SDK1: variants seen among roughly 807,000 people sequenced by gnomAD.
SDK1 encodes the protein sidekick cell adhesion molecule 1.
Under a neutral mutation model 245.5 loss-of-function variants are expected in SDK1, and 157 were observed. The ratio of observed to expected loss-of-function variants is 0.64; its 90% CI spans 0.56 to 0.73. The LOEUF is 0.73. Among genes scored for constraint, SDK1 ranks in the 30% least tolerant of loss-of-function variants. The pLI, the probability that SDK1 is intolerant of heterozygous loss-of-function variation, is 0.00. For missense variants in SDK1, 3,583 were observed against 3,002.3 expected, an observed-to-expected ratio of 1.19 and a Z score of -4.52; for synonymous variants, 1,647 against 1,278.5, an observed-to-expected ratio of 1.29 and a Z score of -6.15.
intron 1 of SDK1, among the ~76,000 whole-genome samples, chr7:3,367,294 A>G (rs960460354): frequency 2.0e-5 from 3 of 152,188 alleles, no homozygotes; most frequent in Non-Finnish European, 4.4e-5. Flanking sequence ...TGGATGGAAT[A>G]GAAAAGTTAG....
chr7:3,321,798 T>C (rs1329606112), intron 1 of SDK1, among the ~76,000 whole-genome samples: 7 of 116,388 alleles, frequency 6.0e-5, no homozygotes, highest in African/African-American at 2.4e-4. Flanking sequence ...CCTTCCTTCC[T>C]TCCTTCCTTC....
At chr7:4,054,309 C>G (rs1194017929) in intron 19 of SDK1, among the ~76,000 whole-genome samples, 2 of 152,110 alleles carry the variant, frequency 1.3e-5, no homozygotes, top group African/African-American at 4.8e-5. Context: ...ATATTGAGAC[C>G]GTGTACATTT....
chr7:3,554,441 C>G (rs1395891423), intron 1 of SDK1, among the ~76,000 whole-genome samples: 1 of 152,056 alleles, frequency 6.6e-6, no homozygotes, highest in Non-Finnish European at 1.5e-5. Context: ...GCAGGTAAAG[C>G]AGTTCTGAGA....
intron 1 of SDK1, among the ~76,000 whole-genome samples, chr7:3,519,436 T>C (rs533263040): frequency 4.9e-4 from 73 of 149,568 alleles, no homozygotes; most frequent in Middle Eastern, 3.4e-3. Flanking sequence ...GTGTGAGCCT[T>C]GCTACCCAAC....
chr7:3,951,555 C>T (rs1029238273), intron 6 of SDK1, among the ~76,000 whole-genome samples, 175 bp from the exon 7 acceptor site: 9 of 152,330 alleles, frequency 5.9e-5, no homozygotes, highest in Non-Finnish European at 7.3e-5. Context: ...ATCGTCAATG[C>T]GTGCTGGGAG....
intron 2 of SDK1, among the ~76,000 whole-genome samples, chr7:3,622,080 G>T (rs557278196): frequency 1.3e-5 from 2 of 152,328 alleles, no homozygotes; most frequent in East Asian, 1.9e-4. Context: ...TGGTGTCTAT[G>T]AGGGTAGGTA....
chr7:3,373,220 T>C lies in SDK1; in HGVS notation c.298+71336T>C, dbSNP rs192796923. 2.3e-4 allele frequency among the ~76,000 whole-genome samples: 35 copies of C among 152,328 alleles called. 1 individual carries two copies. Among genetic ancestry groups the C allele is most frequent in the African/African-American group, 7.7e-4 (32 of 41,564 alleles). On this transcript the variant is annotated intron_variant, in intron 1 of 44. Transcript: ENST00000404826. ...TTAAACGTGCTCAGAGCACTTACATTAGCCTAGAAGGGCAGAATCACCTAA... is the reference window on the plus strand; with the variant it reads ...TTAAACGTGCTCAGAGCACTTACATCAGCCTAGAAGGGCAGAATCACCTAA...
chr7:4,223,726 G>C (rs1351174390), intron 40 of SDK1, among the ~76,000 whole-genome samples: 2 of 152,132 alleles, frequency 1.3e-5, no homozygotes, highest in African/African-American at 4.8e-5. Context: ...AGGTATTGGG[G>C]GTTCGGACTT....
chr7:4,265,062 C>A, intron 44 of SDK1, 62 bp from the exon 45 acceptor site: 1 of 1,497,990 alleles, frequency 6.7e-7, no homozygotes, highest in Non-Finnish European at 8.9e-7. Context: ...GGCCTCCTGC[C>A]CAGCACGCTC....
chr7:3,959,064 AAAC>A (rs770532867), intron 8 of SDK1, 50 bp downstream of exon 8: 4 of 1,385,948 alleles, frequency 2.9e-6, no homozygotes, highest in Non-Finnish European at 4.1e-6. Context: ...GGAGGAAGGG[AAAC>A]AACCTTTTTC....
intron 4 of SDK1, among the ~76,000 whole-genome samples, chr7:3,818,896 GC>G (rs1483526615): frequency 6.6e-6 from 1 of 152,190 alleles, no homozygotes; most frequent in Non-Finnish European, 1.5e-5. Flanking sequence ...TGGGAATGGG[GC>G]CAGCTCTCTT....
In SDK1 at chr7:4,237,750, C is replaced by T. The variant is rs145664098; in HGVS notation, c.6096C>T (p.His2032=). The T allele has an allele frequency of 4.3e-5, 69 of 1,614,186 alleles. No individual in the cohort carries two copies. In the Middle Eastern group the frequency reaches 8.2e-4, roughly 19 times the overall value. Residue 2032 remains histidine, a synonymous_variant, in exon 42 of 45, where the codon CAC becomes CAT. Transcript: ENST00000404826. Reference sequence around the variant, plus strand: ...TGGTGGTGTTCGCCCTCGTCCTGCACGGGCAGAATAAGAAGTATAAGAACT... The same window carrying T: ...TGGTGGTGTTCGCCCTCGTCCTGCATGGGCAGAATAAGAAGTATAAGAACT... The part of the protein sequence containing the change: ...ILLVVFALVL[H]GQNKKYKNCS...
intron 1 of SDK1, among the ~76,000 whole-genome samples, chr7:3,608,213 A>C (rs1285629743): frequency 6.6e-6 from 1 of 152,322 alleles, no homozygotes; most frequent in East Asian, 1.9e-4. Context: ...CTTTGACTCA[A>C]ATAAAATTAT....
At chr7:4,103,942 G>A (rs1782744090) in intron 22 of SDK1, among the ~76,000 whole-genome samples, 1 of 152,272 alleles carries the variant, frequency 6.6e-6, no homozygotes, top group Admixed American at 6.5e-5. Context: ...CATGAAAGTG[G>A]CCAGCAGCCG....
intron 4 of SDK1, among the ~76,000 whole-genome samples, chr7:3,652,413 G>A (rs904999388): frequency 3.3e-4 from 50 of 152,340 alleles, no homozygotes; most frequent in African/African-American, 1.1e-3. Flanking sequence ...CATGTGGCAC[G>A]GCCTTCATGG....
intron 4 of SDK1, among the ~76,000 whole-genome samples, chr7:3,784,688 C>G (rs946323852): frequency 6.6e-6 from 1 of 152,158 alleles, no homozygotes. Flanking sequence ...GTCAGAATAG[C>G]TGTTTTCAAA....
At chr7:3,536,930 T>C (rs1201961775) in intron 1 of SDK1, among the ~76,000 whole-genome samples, 1 of 152,230 alleles carries the variant, frequency 6.6e-6, no homozygotes, top group East Asian at 1.9e-4. Flanking sequence ...CCATATTCTT[T>C]ATTGACTATT....
intron 40 of SDK1, among the ~76,000 whole-genome samples, chr7:4,222,354 G>A (rs1445207232): frequency 6.6e-6 from 1 of 152,154 alleles, no homozygotes; most frequent in Non-Finnish European, 1.5e-5. Context: ...GAGTGCAGTG[G>A]TGCAATCTCA....
chr7:3,593,639 A>T (rs1028909089), intron 1 of SDK1, among the ~76,000 whole-genome samples: 1 of 152,144 alleles, frequency 6.6e-6, no homozygotes, highest in African/African-American at 2.4e-5. Flanking sequence ...GTCTTTAAGA[A>T]TGTATATGCA....
Sources: allele counts gnomAD v4.1 joint callset (sites outside exome capture counted in the v4.1 genomes callset), GRCh38; gene constraint gnomAD v4.1.1; transcripts MANE v1.5; gene names NCBI Gene and HGNC (gene_info 2026-07-23, HGNC 2026-07-21).